The following OIT3 variants were observed in gnomAD, a reference collection of about 807,000 sequenced individuals.
OIT3 encodes the protein oncoprotein induced transcript 3.
In OIT3, 41 loss-of-function variants were observed where a neutral mutation model predicts 52.2. The ratio of observed to expected loss-of-function variants is 0.79; its 90% CI spans 0.61 to 1.02. OIT3 has a LOEUF of 1.02. Ranked by LOEUF, OIT3 falls within the 50% of genes least tolerant of loss-of-function variation. The probability of loss-of-function intolerance (pLI) is 0.00; values close to 1 mark genes in which losing one functional copy is unlikely to be tolerated. For synonymous variants in OIT3, 244 were observed against 276.9 expected (o/e 0.88, Z 1.18); for missense variants, 634 against 715.5 (o/e 0.89, Z 1.30).
In OIT3 at chr10:72,900,439, T is replaced by TG. The variant is rs770464559; in HGVS notation, c.500dup (p.Cys167TrpfsTer10). On this transcript the variant is annotated frameshift_variant, in exon 3 of 9. Transcript: ENST00000334011. LOFTEE classifies it high-confidence loss of function. ...CTGCTCAGATACCAGCGAGTGCACA[T>TG]GCGCTCCAGGAACTGTGCTAGGCCC... 15 of 1,612,614 alleles carry TG rather than the reference T, an allele frequency of 9.3e-6. No individual in the cohort carries two copies. Among genetic ancestry groups the TG allele is most frequent in the Admixed American group, 1.7e-5 (1 of 60,022 alleles).
intron 5 of OIT3, 54 bp from the exon 6 acceptor site, chr10:72,913,254 C>A: frequency 7.0e-7 from 1 of 1,429,422 alleles, no homozygotes. Flanking sequence ...CTCCTAAAAG[C>A]CTTCCTCCCG....
intron 4 of OIT3, among the ~76,000 whole-genome samples, chr10:72,909,566 T>C (rs548146027): frequency 6.6e-6 from 1 of 152,248 alleles, no homozygotes; most frequent in South Asian, 2.1e-4. Context: ...AAGTAATTTT[T>C]ATTGTTTTGT....
intron 6 of OIT3, among the ~76,000 whole-genome samples, chr10:72,917,068 G>T (rs1846079122): frequency 6.6e-6 from 1 of 151,938 alleles, no homozygotes; most frequent in Non-Finnish European, 1.5e-5. Context: ...CTGGATATTA[G>T]ACCTTCATCA....
Position 72,932,659 on chromosome 10 carries a change from T to C in OIT3, c.*135T>C. 1 of 720,058 alleles carries C rather than the reference T, an allele frequency of 1.4e-6. No individual in the cohort carries two copies. Among genetic ancestry groups the C allele is most frequent in the Non-Finnish European group, 2.2e-6 (1 of 448,798 alleles). The allele number at this position is 720,058 out of a possible 1,614,324, so 44.6% of individuals were successfully genotyped here. On this transcript the variant is annotated 3_prime_UTR_variant, in exon 9 of 9. Coordinates refer to ENST00000334011, the MANE Select transcript of OIT3 (RefSeq NM_152635.3). ...GTGAGTTCAGACTCCCAGCACCAAC[T>C]CACTCTGATTCTGGTCCATTCAGTG...
chr10:72,924,843 G>A (rs942659407), intron 7 of OIT3, among the ~76,000 whole-genome samples, 199 bp downstream of exon 7: 1 of 152,110 alleles, frequency 6.6e-6, no homozygotes, highest in Non-Finnish European at 1.5e-5. Flanking sequence ...CAGGTGCAGT[G>A]GTTCACACCT....
intron 4 of OIT3, among the ~76,000 whole-genome samples, chr10:72,910,674 A>C (rs976743545): frequency 6.6e-6 from 1 of 152,214 alleles, no homozygotes; most frequent in Non-Finnish European, 1.5e-5. Flanking sequence ...TATAGCTATA[A>C]CTGGAAATCA....
chr10:72,918,115 T>G, intron 6 of OIT3: 4 of 1,385,062 alleles, frequency 2.9e-6, no homozygotes, highest in Non-Finnish European at 4.1e-6. Flanking sequence ...GCAGACTGCT[T>G]TCCAGTTATA....
At chr10:72,913,788 A>G in intron 6 of OIT3, 1 of 427,634 alleles carries the variant, frequency 2.3e-6, no homozygotes, top group South Asian at 1.9e-5. Flanking sequence ...ATTTTATTTG[A>G]AGAAAGCAAC....
At chr10:72,916,775 A>G (rs1330284643) in intron 6 of OIT3, among the ~76,000 whole-genome samples, 2 of 152,186 alleles carry the variant, frequency 1.3e-5, no homozygotes, top group Non-Finnish European at 2.9e-5. Context: ...CAATGGTTGA[A>G]CTAATTTACA....
rs1391108773 is a variant in OIT3 at position 72,917,926 on chromosome 10, T to C, written c.951+4458T>C. 2.8e-6 allele frequency: 3 copies of C among 1,060,992 alleles called. No homozygotes were observed. The African/African-American group carries it at 4.7e-5, about 17-fold the overall frequency. The allele number at this position is 1,060,992 out of a possible 1,614,324, so 65.7% of individuals were successfully genotyped here. A position where few individuals can be genotyped will look rare whatever the true frequency, so the allele number is the denominator to read the frequency against. ...GACTTCTGTACATTTTTGGCTGGAGTATCTTGTATAGATTTCTTCACTGGT... is the reference window on the plus strand; with the variant it reads ...GACTTCTGTACATTTTTGGCTGGAGCATCTTGTATAGATTTCTTCACTGGT... On this transcript the variant is annotated intron_variant, in intron 6 of 8. Coordinates refer to ENST00000334011, the MANE Select transcript of OIT3 (RefSeq NM_152635.3).
intron 3 of OIT3, among the ~76,000 whole-genome samples, chr10:72,902,041 AAAAACAAAAC>A (rs565188014): frequency 4.7e-4 from 71 of 152,238 alleles, no homozygotes; most frequent in Admixed American, 9.8e-4. Context: ...CCTGTCTCTG[AAAAACAAAAC>A]AAAACAAAAC....
chr10:72,932,471 C>T lies in OIT3; in HGVS notation c.1585C>T (p.Leu529=). The stretch of plus-strand genomic sequence containing the variant: ...GGCAGGAGGAGAGGACTCAGCCGGT[C>T]TACAGGGCCAGACGCTAACAGGCGG... ...RGAGGEDSAG[L]QGQTLTGGPI... The change falls in exon 9 of 9, where the codon CTA becomes TTA. Residue 529 remains leucine, a synonymous_variant. Coordinates refer to ENST00000334011, the MANE Select transcript of OIT3 (RefSeq NM_152635.3). 1.2e-6 allele frequency: 2 copies of T among 1,613,816 alleles called. No individual in the cohort carries two copies. The highest frequency in any genetic ancestry group is 2.2e-5 in the East Asian group (1 of 44,884).
chr10:72,930,639 T>A lies in OIT3; in HGVS notation c.1467+2T>A. ...AAGTTTGTGGGCAAAGACCACAAGG[T>A]GAGTTGAACATCTTTAATTTATAAC... On this transcript the variant is annotated splice_donor_variant, in intron 8 of 8. Coordinates refer to ENST00000334011, the MANE Select transcript of OIT3 (RefSeq NM_152635.3). LOFTEE classifies it high-confidence loss of function. The A allele has an allele frequency of 6.3e-7, 1 of 1,582,510 alleles. No homozygotes were observed. Among genetic ancestry groups the A allele is most frequent in the East Asian group, 2.2e-5 (1 of 44,700 alleles).
intron 5 of OIT3, 74 bp downstream of exon 5, chr10:72,911,913 TC>T: frequency 7.2e-7 from 1 of 1,394,852 alleles, no homozygotes; most frequent in Non-Finnish European, 9.7e-7. Context: ...TTTGTCTTCC[TC>T]CCCCAAGTGT....
At chr10:72,898,154 G>A (rs983084036) in intron 1 of OIT3, among the ~76,000 whole-genome samples, 1 of 151,674 alleles carries the variant, frequency 6.6e-6, no homozygotes, top group Non-Finnish European at 1.5e-5. Context: ...AGGTGTGGTG[G>A]CATACGCTTG....
chr10:72,906,686 G>A lies in OIT3; in HGVS notation c.635G>A (p.Arg212His), dbSNP rs187484242. 195 of 1,606,704 alleles carry A rather than the reference G, an allele frequency of 1.2e-4. No homozygotes were observed. The highest frequency in any genetic ancestry group is 1.7e-4 in the Admixed American group (10 of 59,152). ...NSYRCECGVG[R>H]VLRSDGKTCE... Reference sequence around the variant, plus strand: ...TACCGCTGTGAGTGTGGGGTTGGCCGTGTGCTAAGAAGTGATGGCAAGACT... The same window carrying A: ...TACCGCTGTGAGTGTGGGGTTGGCCATGTGCTAAGAAGTGATGGCAAGACT... Residue 212 changes from arginine to histidine, a missense_variant, in exon 4 of 9, where the codon CGT (arginine) becomes CAT (histidine). Transcript: ENST00000334011.
chr10:72,918,825 T>C (rs1846097425), intron 6 of OIT3, among the ~76,000 whole-genome samples: 2 of 152,204 alleles, frequency 1.3e-5, no homozygotes, highest in Admixed American at 1.3e-4. Context: ...TTCTGTTCCA[T>C]TGATCTGTGT....
chr10:72,911,699 T>C lies in OIT3; in HGVS notation c.668-18T>C, dbSNP rs1169881299. On this transcript the variant is annotated intron_variant, in intron 4 of 8. Coordinates refer to ENST00000334011, the MANE Select transcript of OIT3 (RefSeq NM_152635.3). ...AGGGTTACGAGATTATTCCCTTTTC[T>C]GTTGGTTTCTACTGCAGACGTTGAA... 6.2e-7 allele frequency: 1 copy of C among 1,610,230 alleles called. No homozygotes were observed. Among genetic ancestry groups the C allele is most frequent in the African/African-American group, 1.3e-5 (1 of 74,878 alleles).
chr10:72,908,315 T>C (rs373452826), intron 4 of OIT3, among the ~76,000 whole-genome samples: 1 of 152,174 alleles, frequency 6.6e-6, no homozygotes, highest in Non-Finnish European at 1.5e-5. Flanking sequence ...TATGGAGAGA[T>C]AAATGGTGTA....
Sources: allele counts gnomAD v4.1 joint callset (sites outside exome capture counted in the v4.1 genomes callset), GRCh38; gene constraint gnomAD v4.1.1; transcripts MANE v1.5; gene names NCBI Gene and HGNC (gene_info 2026-07-23, HGNC 2026-07-21).